The following ERCC6L2 variants were observed in gnomAD, a reference collection of about 807,000 sequenced individuals.
The protein encoded by ERCC6L2 is DNA excision repair protein ERCC-6-like 2.
Under a neutral mutation model 132.0 loss-of-function variants are expected in ERCC6L2, and 77 were observed. The observed-to-expected ratio is 0.58, with a 90% CI of 0.49 to 0.71. The LOEUF (loss-of-function observed/expected upper bound fraction) is 0.71, where lower values mean the gene tolerates loss of function less well. Among genes scored for constraint, ERCC6L2 ranks in the 30% least tolerant of loss-of-function variants. The pLI is 0.00. For missense variants in ERCC6L2, 1,542 were observed against 1,837.6 expected, an observed-to-expected ratio of 0.84 and a Z score of 2.94; for synonymous variants, 583 against 632.4, an observed-to-expected ratio of 0.92 and a Z score of 1.17.
At chr9:95,917,873 TAAG>T (rs1175596563) in intron 6 of ERCC6L2, among the ~76,000 whole-genome samples, 2 of 152,180 alleles carry the variant, frequency 1.3e-5, no homozygotes, top group Non-Finnish European at 2.9e-5. Flanking sequence ...GCATGACACA[TAAG>T]AAATATTGAG....
chr9:95,968,459 T>C (rs1001597792), intron 14 of ERCC6L2: 3 of 152,174 alleles, frequency 2.0e-5, no homozygotes, highest in Non-Finnish European at 4.4e-5. Context: ...TATTCAGGAT[T>C]GGTTAGATTC....
chr9:95,889,973 C>T (rs1048383266), intron 2 of ERCC6L2, among the ~76,000 whole-genome samples: 7 of 152,096 alleles, frequency 4.6e-5, no homozygotes, highest in Non-Finnish European at 5.9e-5. Context: ...CTACATCAGC[C>T]AGTTTGCGCA....
Position 95,916,383 on chromosome 9 carries a change from CA to C in ERCC6L2, c.1108del (p.Arg370GlyfsTer23). On this transcript the variant is annotated frameshift_variant, in exon 6 of 19. Coordinates refer to ENST00000653738, the MANE Select transcript of ERCC6L2 (RefSeq NM_020207.7). LOFTEE classifies it high-confidence loss of function. Reference protein sequence around the residue: ...LAKKMSGWFLRRTKTLIKDQL... With the variant: ...LAKKMSGWFLXRTKTLIKDQL... ...CCAAAAAGATGTCTGGCTGGTTTCT[CA>C]GGCGCACCAAGACTCTTATCAAGGA... The C allele has an allele frequency of 6.2e-7, 1 of 1,608,534 alleles. No individual in the cohort carries two copies. Among genetic ancestry groups the C allele is most frequent in the Middle Eastern group, 1.7e-4 (1 of 5,798 alleles).
At chr9:96,006,279 A>G (rs1833859694) in intron 18 of ERCC6L2, among the ~76,000 whole-genome samples, 1 of 152,252 alleles carries the variant, frequency 6.6e-6, no homozygotes, top group Non-Finnish European at 1.5e-5. Flanking sequence ...TAAGAGGCAC[A>G]GTATCAGGTC....
At chr9:96,039,334 T>C (rs756010388) in intron 20 of ERCC6L2, among the ~76,000 whole-genome samples, 5 of 151,830 alleles carry the variant, frequency 3.3e-5, no homozygotes, top group Non-Finnish European at 7.4e-5. Context: ...GAAGAAAAGA[T>C]TGAATGGGGC....
At chr9:95,944,780 G>A (rs780416463) in intron 12 of ERCC6L2, among the ~76,000 whole-genome samples, 25 of 151,912 alleles carry the variant, frequency 1.6e-4, no homozygotes, top group Admixed American at 1.2e-3. Context: ...ATCACATGTC[G>A]GCAGGTTCCG....
At chr9:96,019,704 A>G (rs147585328), downstream of ERCC6L2, 63 of 152,372 alleles carry the variant, frequency 4.1e-4, no homozygotes, top group African/African-American at 1.4e-3. Context: ...TCACGCTGCT[A>G]TGAAGAAATA....
intron 2 of ERCC6L2, among the ~76,000 whole-genome samples, chr9:95,895,432 G>A (rs1306405807): frequency 6.6e-6 from 1 of 151,926 alleles, no homozygotes; most frequent in Non-Finnish European, 1.5e-5. Flanking sequence ...TAGTATATTT[G>A]GATTTAAACT....
At chr9:95,971,605 A>G (rs1161823339) in intron 15 of ERCC6L2, 1 of 166,664 alleles carries the variant, frequency 6.0e-6, no homozygotes, top group Non-Finnish European at 1.3e-5. Flanking sequence ...AGTAAGTTGT[A>G]TGCTTTTCAC....
intron 2 of ERCC6L2, among the ~76,000 whole-genome samples, chr9:95,882,745 T>TAA (rs1176806769): frequency 6.6e-6 from 1 of 152,204 alleles, no homozygotes; most frequent in African/African-American, 2.4e-5. Flanking sequence ...AGTCTTTTAA[T>TAA]AATCATATTA....
intron 20 of ERCC6L2, among the ~76,000 whole-genome samples, chr9:96,040,470 A>G (rs958128072): frequency 2.0e-5 from 3 of 152,182 alleles, no homozygotes; most frequent in African/African-American, 7.2e-5. Flanking sequence ...GGCAAGTCTG[A>G]ATCTAAACTG....
rs536156068 is a variant in ERCC6L2, at chr9:95,996,633, C to T, written c.3493-7887C>T. Among the ~76,000 whole-genome samples, 4 of 152,302 alleles carry T rather than the reference C, an allele frequency of 2.6e-5. No homozygotes were observed. The South Asian group carries it at 8.3e-4, about 32-fold the overall frequency. ...AGTGATAATTTACCATTTGGAAAAT[C>T]CTAGGGCCCTTAAGGATTATGCCAA... On this transcript the variant is annotated intron_variant, in intron 17 of 18. Coordinates refer to ENST00000653738, the MANE Select transcript of ERCC6L2 (RefSeq NM_020207.7).
chr9:96,006,046 G>A (rs955637262), intron 18 of ERCC6L2, among the ~76,000 whole-genome samples: 9 of 152,206 alleles, frequency 5.9e-5, no homozygotes, highest in Admixed American at 4.6e-4. Context: ...CCTTTTGCAC[G>A]TATTAAATGT....
chr9:95,880,930 A>G lies in ERCC6L2; in HGVS notation c.108A>G (p.Glu36=). 6.2e-7 allele frequency: 1 copy of G among 1,613,878 alleles called. No homozygotes were observed. Among genetic ancestry groups the G allele is most frequent in the South Asian group, 1.1e-5 (1 of 91,026 alleles). The change falls in exon 2 of 19, where the codon GAA becomes GAG. Residue 36 remains glutamate (E), a synonymous_variant. Coordinates refer to ENST00000653738, the MANE Select transcript of ERCC6L2 (RefSeq NM_020207.7). The part of the protein sequence containing the change: ...APSPDNGKLC[E]ASIKSITVDE... ...CTCCAGATAATGGAAAACTTTGTGA[A>G]GCAAGCATAAAATCTATCACAGTGG...
chr9:95,981,448 C>G (rs1174407765), intron 17 of ERCC6L2, among the ~76,000 whole-genome samples: 1 of 152,096 alleles, frequency 6.6e-6, no homozygotes, highest in African/African-American at 2.4e-5. Flanking sequence ...AATGTTCTGT[C>G]TCTCCTAACA....
chr9:96,003,525 T>C (rs1405858741), intron 17 of ERCC6L2, among the ~76,000 whole-genome samples: 1 of 152,246 alleles, frequency 6.6e-6, no homozygotes, highest in African/African-American at 2.4e-5. Context: ...TTCCTGGCTT[T>C]AATTTGCAAA....
chr9:95,951,408 G>C lies in ERCC6L2; in HGVS notation c.1848-4506G>C, dbSNP rs528437364. Among the ~76,000 whole-genome samples, 343 of 152,120 alleles carry C rather than the reference G, an allele frequency of 2.3e-3. 2 individuals carry two copies. Among genetic ancestry groups the C allele is most frequent in the Middle Eastern group, 6.8e-3 (2 of 294 alleles). On this transcript the variant is annotated intron_variant, in intron 12 of 18. Coordinates refer to ENST00000653738, the MANE Select transcript of ERCC6L2 (RefSeq NM_020207.7). The stretch of plus-strand genomic sequence containing the variant: ...TTTCCACCTTAAGGAACTAGGAAAA[G>C]GAAAAACCCCCAGAGCTAGCCAGAG...
intron 3 of ERCC6L2, chr9:95,906,506 A>T (rs1367119115): frequency 2.8e-6 from 1 of 361,486 alleles, no homozygotes; most frequent in East Asian, 7.8e-5. Flanking sequence ...AAATATATGG[A>T]AATGAATATA....
At position 95,972,549 on chromosome 9, in the gene ERCC6L2, C is replaced by T. The variant is rs1564276239; in HGVS notation, c.2798C>T (p.Thr933Ile). 1 of 1,289,658 alleles carries T rather than the reference C, an allele frequency of 7.8e-7. No individual in the cohort carries two copies. The highest frequency in any genetic ancestry group is 1.0e-6 in the Non-Finnish European group (1 of 988,824). The allele number at this position is 1,289,658 out of a possible 1,614,324, so 79.9% of individuals were successfully genotyped here. ...PPLEGSEDSE[T>I]EHTVKTRNND... ...TTGGAAGGATCTGAGGATTCTGAAACAGAACACACTGTAAAAACAAGAAAT... is the reference window on the plus strand; with the variant it reads ...TTGGAAGGATCTGAGGATTCTGAAATAGAACACACTGTAAAAACAAGAAAT... Residue 933 changes from threonine to isoleucine, a missense_variant, in exon 16 of 19, where the codon ACA becomes ATA. Thr to Ile is a moderately conservative substitution (Grantham distance 89). Coordinates refer to ENST00000653738, the MANE Select transcript of ERCC6L2 (RefSeq NM_020207.7).
Sources: allele counts gnomAD v4.1 joint callset (sites outside exome capture counted in the v4.1 genomes callset), GRCh38; gene constraint gnomAD v4.1.1; transcripts MANE v1.5; gene names NCBI Gene and HGNC (gene_info 2026-07-23, HGNC 2026-07-21).